CACNA2D3: variants seen among roughly 807,000 people sequenced by gnomAD.
CACNA2D3 encodes calcium voltage-gated channel auxiliary subunit alpha2delta 3, also known as voltage-dependent calcium channel subunit alpha-2/delta-3.
A neutral mutation model predicts 160.6 loss-of-function variants in CACNA2D3; 60 were observed. The observed-to-expected ratio is 0.37, with a 90% CI of 0.30 to 0.46. The LOEUF (loss-of-function observed/expected upper bound fraction) is 0.46. Among genes scored for constraint, CACNA2D3 ranks in the 20% least tolerant of loss-of-function variants. The pLI is 1.00. For missense variants in CACNA2D3, 1,205 were observed against 1,365.0 expected (o/e 0.88, Z 1.85); for synonymous variants, 558 against 492.9 (o/e 1.13, Z -1.75).
At chr3:55,063,396 A>AC (rs1704561021) in intron 35 of CACNA2D3, among the ~76,000 whole-genome samples, 1 of 152,102 alleles carries the variant, frequency 6.6e-6, no homozygotes, top group Admixed American at 6.6e-5. Flanking sequence ...AAAAGAAAAA[A>AC]AAAAAAAGAT....
rs549886793 is a variant in CACNA2D3, at chr3:54,789,259, T to C, written c.1380+24908T>C. 4.1e-4 allele frequency among the ~76,000 whole-genome samples: 62 copies of C among 152,324 alleles called. 1 individual carries two copies. Among genetic ancestry groups the C allele is most frequent in the African/African-American group, 1.4e-3 (59 of 41,580 alleles). ...ATTGAATAACTTTCCCAAATATCTA[T>C]TCCAAGATATGTGTTTTAAAAAAAC... On this transcript the variant is annotated intron_variant, in intron 13 of 37. Coordinates refer to ENST00000474759, the MANE Select transcript of CACNA2D3 (RefSeq NM_018398.3).
intron 13 of CACNA2D3, among the ~76,000 whole-genome samples, chr3:54,768,190 G>A (rs1270808665): frequency 6.6e-6 from 1 of 152,104 alleles, no homozygotes; most frequent in African/African-American, 2.4e-5. Context: ...CCTGAACAGT[G>A]GGATACTATG....
intron 13 of CACNA2D3, among the ~76,000 whole-genome samples, chr3:54,810,561 A>G (rs1247070705): frequency 6.6e-6 from 1 of 152,222 alleles, no homozygotes; most frequent in African/African-American, 2.4e-5. Context: ...TTGATCATTC[A>G]TTCATGAGGC....
intron 22 of CACNA2D3, 24 bp from the exon 23 acceptor site, chr3:54,885,465 T>C: frequency 6.2e-7 from 1 of 1,604,846 alleles, no homozygotes; most frequent in South Asian, 1.1e-5. Context: ...CATGCTCTTG[T>C]TTTGGGCCAT....
chr3:54,570,202 T>C (rs916530780), intron 8 of CACNA2D3, 98 bp downstream of exon 8: 38 of 1,240,310 alleles, frequency 3.1e-5, no homozygotes, highest in Non-Finnish European at 4.6e-6. Flanking sequence ...CCAGAGCATC[T>C]AGATGCCAGA....
intron 2 of CACNA2D3, among the ~76,000 whole-genome samples, chr3:54,180,398 A>C (rs937904174): frequency 1.3e-5 from 2 of 152,172 alleles, no homozygotes; most frequent in African/African-American, 4.8e-5. Flanking sequence ...CACAACAAAG[A>C]TCTGTCGACC....
At chr3:55,042,511 T>C (rs1305499279) in intron 35 of CACNA2D3, among the ~76,000 whole-genome samples, 2 of 152,186 alleles carry the variant, frequency 1.3e-5, no homozygotes, top group Non-Finnish European at 2.9e-5. Flanking sequence ...TTACCATCTT[T>C]TTACCTTCCA....
intron 25 of CACNA2D3, among the ~76,000 whole-genome samples, chr3:54,891,956 A>G (rs1416395675): frequency 6.6e-6 from 1 of 152,084 alleles, no homozygotes; most frequent in Non-Finnish European, 1.5e-5. Flanking sequence ...CCCTCTGGGG[A>G]TGCTGGGGTT....
intron 5 of CACNA2D3, among the ~76,000 whole-genome samples, chr3:54,506,862 G>T (rs914960566): frequency 6.6e-6 from 1 of 152,164 alleles, no homozygotes; most frequent in African/African-American, 2.4e-5. Flanking sequence ...AAAGCAAGAG[G>T]CAGGATGCTT....
At chr3:54,339,401 C>A (rs566873042) in intron 3 of CACNA2D3, among the ~76,000 whole-genome samples, 2 of 152,230 alleles carry the variant, frequency 1.3e-5, no homozygotes, top group Non-Finnish European at 2.9e-5. Flanking sequence ...CCCTTCACCC[C>A]TAACACCTCC....
chr3:54,225,335 A>G (rs972181937), intron 2 of CACNA2D3, among the ~76,000 whole-genome samples: 2 of 152,126 alleles, frequency 1.3e-5, no homozygotes, highest in Admixed American at 1.3e-4. Flanking sequence ...TGCATGACTG[A>G]ATATCTTTTA....
intron 6 of CACNA2D3, among the ~76,000 whole-genome samples, chr3:54,567,094 G>C (rs1170048429): frequency 6.6e-6 from 1 of 152,302 alleles, no homozygotes; most frequent in East Asian, 1.9e-4. Flanking sequence ...CATAGCAACT[G>C]TCTTGCTATA....
In CACNA2D3 at chr3:54,691,277, A is replaced by G. The variant is rs183002076; in HGVS notation, c.1167+49036A>G. The stretch of plus-strand genomic sequence containing the variant: ...CTCTTGGCTAACAGTGTGGCCCTAC[A>G]TTGCACTGACTCTTCTGCTCCCCTC... On this transcript the variant is annotated intron_variant, in intron 11 of 37. Transcript: ENST00000474759. Among the ~76,000 whole-genome samples, 23 of 152,258 alleles carry G rather than the reference A, an allele frequency of 1.5e-4. 1 individual carries two copies. The East Asian group carries it at 4.1e-3, about 27-fold the overall frequency.
Position 54,740,200 on chromosome 3 carries a change from C to G in CACNA2D3, c.1168-12399C>G, listed in dbSNP as rs191356937. Among the ~76,000 whole-genome samples the G allele has an allele frequency of 1.5e-3, 222 of 152,122 alleles. 1 individual carries two copies. The highest frequency in any genetic ancestry group is 6.8e-3 in the Middle Eastern group (2 of 294). ...CTCTGCTTGAGCCAGTTTGCACTTG[C>G]AAAGAGGGAACCAGGACAGCCGTAC... is the stretch of plus-strand genomic sequence containing the variant. On this transcript the variant is annotated intron_variant, in intron 11 of 37. Coordinates refer to ENST00000474759, the MANE Select transcript of CACNA2D3 (RefSeq NM_018398.3).
At chr3:54,570,507 GATAATA>G (rs200737510) in intron 8 of CACNA2D3, among the ~76,000 whole-genome samples, 1 of 151,572 alleles carries the variant, frequency 6.6e-6, no homozygotes, top group South Asian at 2.1e-4. Flanking sequence ...GATAATAATT[GATAATA>G]ATAATAATAA....
chr3:54,505,920 G>C (rs1701361472), intron 5 of CACNA2D3, among the ~76,000 whole-genome samples: 1 of 152,212 alleles, frequency 6.6e-6, no homozygotes, highest in African/African-American at 2.4e-5. Context: ...GAGATAGTCA[G>C]ATTTTTTGAG....
At chr3:54,206,483 TTA>T in intron 2 of CACNA2D3, among the ~76,000 whole-genome samples, 1 of 152,186 alleles carries the variant, frequency 6.6e-6, no homozygotes, top group East Asian at 1.9e-4. Context: ...CTTTTCCAAA[TTA>T]TAATGGTTCT....
intron 4 of CACNA2D3, among the ~76,000 whole-genome samples, chr3:54,486,076 T>A (rs556880710): frequency 6.6e-6 from 1 of 152,352 alleles, no homozygotes; most frequent in East Asian, 1.9e-4. Context: ...AGGGAGAAGC[T>A]GTGAGTGAGT....
At chr3:54,821,697 T>TTTC in intron 14 of CACNA2D3, among the ~76,000 whole-genome samples, 1 of 84,142 alleles carries the variant, frequency 1.2e-5, no homozygotes, top group South Asian at 4.2e-4. Context: ...TCTTTCTTTC[T>TTTC]TTCCTTCCTT....
Sources: gnomAD v4.1 joint callset for allele counts (sites outside exome capture counted in the v4.1 genomes callset) on GRCh38, gnomAD v4.1.1 for gene constraint, MANE v1.5 for transcripts, NCBI Gene and HGNC (gene_info 2026-07-23, HGNC 2026-07-21) for gene names.